DRG1: variants seen among roughly 807,000 people sequenced by gnomAD.
DRG1 encodes the protein developmentally-regulated GTP-binding protein 1.
In DRG1, 19 loss-of-function variants were observed where a neutral mutation model predicts 38.8. The observed-to-expected ratio is 0.49, with a 90% confidence interval of 0.34 to 0.72. The LOEUF (loss-of-function observed/expected upper bound fraction) is 0.72. DRG1 is among the 30% of genes least tolerant of loss of function. The pLI is 0.01. For missense variants in DRG1, 299 were observed against 444.8 expected (o/e 0.67, Z 2.95); for synonymous variants, 167 against 157.5 (o/e 1.06, Z -0.45).
chr22:31,420,138 A>G, intron 4 of DRG1, 118 bp from the exon 5 acceptor site: 2 of 1,108,054 alleles, frequency 1.8e-6, no homozygotes, highest in Non-Finnish European at 2.6e-6. Flanking sequence ...GCATGTATGT[A>G]TTACAGAAAA....
At chr22:31,419,654 G>GGT (rs1262741129) in intron 4 of DRG1, among the ~76,000 whole-genome samples, 1 of 152,046 alleles carries the variant, frequency 6.6e-6, no homozygotes, top group East Asian at 1.9e-4. Flanking sequence ...TGATTGGTTT[G>GGT]GTGGTTACAC....
intron 5 of DRG1, among the ~76,000 whole-genome samples, chr22:31,420,677 T>A (rs539793656): frequency 1.3e-5 from 2 of 152,344 alleles, no homozygotes; most frequent in African/African-American, 4.8e-5. Flanking sequence ...TGGACCAATA[T>A]TATGCTTGCA....
At chr22:31,404,352 G>A (rs1006603433) in intron 3 of DRG1, among the ~76,000 whole-genome samples, 2 of 150,222 alleles carry the variant, frequency 1.3e-5, no homozygotes, top group Admixed American at 1.3e-4. Context: ...TGATTCTCCC[G>A]CTTCAGCCTC....
intron 3 of DRG1, among the ~76,000 whole-genome samples, chr22:31,404,345 T>C (rs1350342184): frequency 6.6e-6 from 1 of 151,304 alleles, no homozygotes; most frequent in Non-Finnish European, 1.5e-5. Flanking sequence ...GATCCAGTGA[T>C]TCTCCCGCTT....
At chr22:31,405,502 A>G (rs2049984537) in intron 3 of DRG1, among the ~76,000 whole-genome samples, 2 of 151,850 alleles carry the variant, frequency 1.3e-5, no homozygotes, top group African/African-American at 4.8e-5. Flanking sequence ...TTCAGCTGCC[A>G]CAGTTAGAAA....
At chr22:31,401,092 G>A (rs2049958343) in intron 2 of DRG1, among the ~76,000 whole-genome samples, 1 of 152,008 alleles carries the variant, frequency 6.6e-6, no homozygotes, top group Non-Finnish European at 1.5e-5. Flanking sequence ...TAAGTGTACT[G>A]TAGTTTTATT....
chr22:31,431,035 C>CGGGT (rs2050136481), intron 8 of DRG1, among the ~76,000 whole-genome samples: 3 of 56,758 alleles, frequency 5.3e-5, no homozygotes, highest in Non-Finnish European at 3.2e-5. Context: ...CCCCCCCCCG[C>CGGGT]TTTTTTTTTT....
chr22:31,419,347 A>G (rs2050062723), intron 4 of DRG1, among the ~76,000 whole-genome samples: 3 of 151,814 alleles, frequency 2.0e-5, no homozygotes, highest in Middle Eastern at 3.4e-3. Context: ...ATGCAGGCAC[A>G]AAAGACTACT....
In DRG1 at chr22:31,423,276, T is replaced by G; in HGVS notation, c.583-4T>G. The G allele has an allele frequency of 6.2e-7, 1 of 1,613,872 alleles. No homozygotes were observed. The highest frequency in any genetic ancestry group is 8.5e-7 in the Non-Finnish European group (1 of 1,179,994). On this transcript the variant is annotated splice_region_variant and splice_polypyrimidine_tract_variant and intron_variant, in intron 5 of 8. Transcript: ENST00000331457. ...CTGACTAGTCATCTGCTATTCCCTTTCAGTGCCCCCAGAGTGAGCTGGATG... is the reference window on the plus strand; with the variant it reads ...CTGACTAGTCATCTGCTATTCCCTTGCAGTGCCCCCAGAGTGAGCTGGATG...
chr22:31,424,063 C>T (rs1385938830), intron 6 of DRG1, among the ~76,000 whole-genome samples: 2 of 151,772 alleles, frequency 1.3e-5, no homozygotes, highest in East Asian at 1.9e-4. Context: ...GGGGTTTCTC[C>T]GTGTTGGTCA....
intron 2 of DRG1, among the ~76,000 whole-genome samples, chr22:31,401,583 CAA>C (rs951167073): frequency 4.8e-4 from 26 of 53,730 alleles, no homozygotes; most frequent in Admixed American, 6.4e-4. Flanking sequence ...GACTCTGTCT[CAA>C]AAAAAAAAAA....
At chr22:31,400,989 G>T (rs1382578777) in intron 2 of DRG1, among the ~76,000 whole-genome samples, 1 of 151,240 alleles carries the variant, frequency 6.6e-6, no homozygotes, top group Non-Finnish European at 1.5e-5. Context: ...AACTAAAGAT[G>T]TTCTACTAAA....
chr22:31,422,379 T>A (rs1266012405), intron 5 of DRG1, among the ~76,000 whole-genome samples: 1 of 149,710 alleles, frequency 6.7e-6, no homozygotes, highest in Non-Finnish European at 1.5e-5. Flanking sequence ...TGCAGTGAGC[T>A]GAGATCGCGC....
At chr22:31,430,925 C>A (rs1283350403) in intron 8 of DRG1, among the ~76,000 whole-genome samples, 1 of 150,754 alleles carries the variant, frequency 6.6e-6, no homozygotes, top group Non-Finnish European at 1.5e-5. Flanking sequence ...CCTATGTTGC[C>A]CTGGCTGGTC....
chr22:31,429,007 G>A lies in DRG1; in HGVS notation c.1004+1825G>A, dbSNP rs372799320. On this transcript the variant is annotated intron_variant, in intron 8 of 8. Coordinates refer to ENST00000331457, the MANE Select transcript of DRG1 (RefSeq NM_004147.4). ...TTGGTGTAGGGTGGGTTTCTCTGCC[G>A]TGAAGGTAGTATTTTTCTCTCCGTA... 3.3e-4 allele frequency among the ~76,000 whole-genome samples: 50 copies of A among 152,178 alleles called. No homozygotes were observed. The South Asian group carries it at 4.8e-3, about 15-fold the overall frequency.
At chr22:31,402,748 G>A (rs1427115909) in intron 2 of DRG1, among the ~76,000 whole-genome samples, 1 of 152,092 alleles carries the variant, frequency 6.6e-6, no homozygotes, top group Non-Finnish European at 1.5e-5. Context: ...GGACTCAAGA[G>A]ATCCTCCTGC....
chr22:31,434,024 T>A lies in DRG1; in HGVS notation c.*53T>A. Reference sequence around the variant, plus strand: ...CGAACCACAACAGCGTTCCCCATGATCAAGCACCCTACCCCAGTTCTTTCT... The same window carrying A: ...CGAACCACAACAGCGTTCCCCATGAACAAGCACCCTACCCCAGTTCTTTCT... On this transcript the variant is annotated 3_prime_UTR_variant, in exon 9 of 9. Coordinates refer to ENST00000331457, the MANE Select transcript of DRG1 (RefSeq NM_004147.4). 2.0e-6 allele frequency: 3 copies of A among 1,533,710 alleles called. No homozygotes were observed. The highest frequency in any genetic ancestry group is 3.5e-5 in the Admixed American group (2 of 57,594).
In DRG1 at chr22:31,408,716, G is replaced by T. The variant is rs554500075; in HGVS notation, c.343-2296G>T. Reference sequence around the variant, plus strand: ...TGCAATGAACCAAGATTGCACCACTGCACTTCAGCCTGGGCGATAGAGCGA... The same window carrying T: ...TGCAATGAACCAAGATTGCACCACTTCACTTCAGCCTGGGCGATAGAGCGA... On this transcript the variant is annotated intron_variant, in intron 3 of 8. Transcript: ENST00000331457. Among the ~76,000 whole-genome samples the T allele has an allele frequency of 1.3e-3, 172 of 134,836 alleles. 1 individual carries two copies. Among genetic ancestry groups the T allele is most frequent in the African/African-American group, 4.6e-3 (166 of 35,806 alleles). The allele number at this position is 134,836 out of a possible 152,430, so 88.5% of individuals were successfully genotyped here.
rs1019105109 is a variant in DRG1, at chr22:31,434,096, C to A, written c.*125C>A. On this transcript the variant is annotated 3_prime_UTR_variant, in exon 9 of 9. Coordinates refer to ENST00000331457, the MANE Select transcript of DRG1 (RefSeq NM_004147.4). ...AGGATCCAGGGGAGGGAGATGGAGG[C>A]ACCCAAACTGGAACTTCATTTGTCT... The A allele has an allele frequency of 3.8e-6, 3 of 795,836 alleles. No individual in the cohort carries two copies. The Admixed American group carries it at 7.6e-5, about 20-fold the overall frequency. The allele number at this position is 795,836 out of a possible 1,614,324, so 49.3% of individuals were successfully genotyped here. A position where few individuals can be genotyped will look rare whatever the true frequency, so the allele number is the denominator to read the frequency against.
Sources: allele counts gnomAD v4.1 joint callset (sites outside exome capture counted in the v4.1 genomes callset), GRCh38; gene constraint gnomAD v4.1.1; transcripts MANE v1.5; gene names NCBI Gene and HGNC (gene_info 2026-07-23, HGNC 2026-07-21).